The following PAICS variants were observed in gnomAD, a reference collection of about 807,000 sequenced individuals.
PAICS encodes the protein phosphoribosylaminoimidazole carboxylase and phosphoribosylaminoimidazolesuccinocarboxamide synthase.
In PAICS, 33 loss-of-function variants were observed where a neutral mutation model predicts 53.7. That is an observed-to-expected ratio of 0.61 (90% CI 0.47 to 0.82). PAICS has a LOEUF of 0.82. PAICS is among the 40% of genes least tolerant of loss of function. PAICS has a pLI of 0.00. For missense variants in PAICS, 394 were observed against 494.1 expected (o/e 0.80, Z 1.92); for synonymous variants, 141 against 167.2 (o/e 0.84, Z 1.21).
At chr4:56,430,656 C>A in the PAICS span, among the ~76,000 whole-genome samples, 1 of 151,064 alleles carries the variant, frequency 6.6e-6, no homozygotes, top group African/African-American at 2.4e-5. Flanking sequence ...GATATAAATG[C>A]AAGTCAGATA....
chr4:56,410,686 A>G, the PAICS span: 2 of 986,716 alleles, frequency 2.0e-6, no homozygotes, highest in Non-Finnish European at 2.4e-6. Context: ...GAGACTGGAA[A>G]CAGTGCTGGG....
At chr4:56,431,979 A>T (rs1377096066), upstream of PAICS, among the ~76,000 whole-genome samples, 2 of 152,224 alleles carry the variant, frequency 1.3e-5, no homozygotes, top group African/African-American at 4.8e-5. Flanking sequence ...CTACGGAATA[A>T]ATCTGAAGAC....
chr4:56,449,746 G>A (rs113972787), intron 5 of PAICS, among the ~76,000 whole-genome samples: 7,336 of 151,284 alleles, frequency 0.048, 565 homozygotes, highest in African/African-American at 0.17. Flanking sequence ...GGGAGGCCAA[G>A]GCAGGTGGAT....
the PAICS span, among the ~76,000 whole-genome samples, chr4:56,424,595 A>T: frequency 1.3e-5 from 2 of 152,262 alleles, no homozygotes; most frequent in Non-Finnish European, 2.9e-5. Flanking sequence ...GTGGCCCATG[A>T]AAATTGAATA....
chr4:56,439,876 T>C (rs1032536789), intron 1 of PAICS, among the ~76,000 whole-genome samples: 1 of 152,110 alleles, frequency 6.6e-6, no homozygotes, highest in Non-Finnish European at 1.5e-5. Flanking sequence ...CTGCCCTCCT[T>C]GTCTTCCTAA....
At chr4:56,417,943 G>A in the PAICS span, among the ~76,000 whole-genome samples, 4 of 150,408 alleles carry the variant, frequency 2.7e-5, no homozygotes, top group South Asian at 6.3e-4. Flanking sequence ...AGGTTCAAGC[G>A]ATTCTCCTGC....
At chr4:56,448,301 G>A (rs766032046) in intron 3 of PAICS, 117 bp from the exon 4 acceptor site, 39 of 653,786 alleles carry the variant, frequency 6.0e-5, no homozygotes, top group Non-Finnish European at 7.5e-5. Flanking sequence ...CACCATGCCC[G>A]GCTGTGGCTA....
At chr4:56,429,312 T>C in the PAICS span, among the ~76,000 whole-genome samples, 3 of 152,208 alleles carry the variant, frequency 2.0e-5, no homozygotes, top group South Asian at 6.2e-4. Context: ...CTTTAAATTG[T>C]ACTTTACAGT....
chr4:56,453,881 C>G (rs951251916), intron 8 of PAICS, 120 bp downstream of exon 8: 18 of 590,604 alleles, frequency 3.0e-5, no homozygotes, highest in Admixed American at 2.0e-4. Context: ...CAATTAACAT[C>G]TTGTTGTGTC....
At chr4:56,415,415 C>T in the PAICS span, among the ~76,000 whole-genome samples, 2 of 152,202 alleles carry the variant, frequency 1.3e-5, no homozygotes, top group African/African-American at 4.8e-5. Context: ...TCATCCTCCT[C>T]ATTTGATCAC....
At chr4:56,437,056 GGT>G (rs57028021) in intron 1 of PAICS, among the ~76,000 whole-genome samples, 147 of 150,698 alleles carry the variant, frequency 9.8e-4, no homozygotes, top group African/African-American at 3.0e-3. Context: ...TTGATGCCAT[GGT>G]GTGTGTGTGT....
the PAICS span, among the ~76,000 whole-genome samples, chr4:56,417,196 T>A: frequency 6.6e-6 from 1 of 151,718 alleles, no homozygotes; most frequent in East Asian, 1.9e-4. Flanking sequence ...TACTTCTAAC[T>A]TACATAATAG....
At chr4:56,420,639 G>C in the PAICS span, 1 of 152,118 alleles carries the variant, frequency 6.6e-6, no homozygotes, top group East Asian at 1.9e-4. Context: ...TTTTAATAAA[G>C]CAAATATGCA....
Position 56,459,592 on chromosome 4 carries a change from T to C in PAICS, c.*54T>C. 1 of 1,324,858 alleles carries C rather than the reference T, an allele frequency of 7.5e-7. No individual in the cohort carries two copies. Among genetic ancestry groups the C allele is most frequent in the Non-Finnish European group, 1.0e-6 (1 of 960,684 alleles). 82.1% of individuals were successfully genotyped at this position (1,324,858 alleles called of 1,614,324 possible). A position where few individuals can be genotyped will look rare whatever the true frequency, so the allele number is the denominator to read the frequency against. On this transcript the variant is annotated 3_prime_UTR_variant, in exon 9 of 9. Coordinates refer to ENST00000512576, the MANE Select transcript of PAICS (RefSeq NM_001079524.2). ...AAAAACTACAAATTTCTAATTTAGC[T>C]GAAGGAAAATCAAGCAAGATGAAAA...
intron 1 of PAICS, among the ~76,000 whole-genome samples, chr4:56,439,036 T>C (rs1356787): frequency 0.3 from 46,138 of 151,892 alleles, 7,517 homozygotes; most frequent in East Asian, 0.47. Context: ...ACCATTTTGG[T>C]ACTTGCAGGG....
upstream of PAICS, chr4:56,435,892 C>T (rs765141296): frequency 2.4e-5 from 35 of 1,484,686 alleles, no homozygotes; most frequent in South Asian, 3.8e-4. Flanking sequence ...CTTCATATGC[C>T]CTTCCCTGCA....
the PAICS span, among the ~76,000 whole-genome samples, chr4:56,412,752 T>C: frequency 6.6e-6 from 1 of 152,226 alleles, no homozygotes; most frequent in Non-Finnish European, 1.5e-5. Context: ...TCTATTCTCA[T>C]TATGACTAAC....
At chr4:56,434,880 C>A (rs963182631), upstream of PAICS, among the ~76,000 whole-genome samples, 17 of 152,358 alleles carry the variant, frequency 1.1e-4, no homozygotes, top group African/African-American at 4.1e-4. Flanking sequence ...TCTGCCCTTG[C>A]AAACAAAAGC....
the PAICS span, among the ~76,000 whole-genome samples, chr4:56,428,238 A>C: frequency 6.6e-6 from 1 of 152,228 alleles, no homozygotes; most frequent in Admixed American, 6.5e-5. Flanking sequence ...AATCATGTTG[A>C]TTTGTAGGTA....
Sources: gnomAD v4.1 joint callset for allele counts (sites outside exome capture counted in the v4.1 genomes callset) on GRCh38, gnomAD v4.1.1 for gene constraint, MANE v1.5 for transcripts, NCBI Gene and HGNC (gene_info 2026-07-23, HGNC 2026-07-21) for gene names.